The following MEF2A variants were observed in gnomAD, a reference collection of about 807,000 sequenced individuals.
The protein encoded by MEF2A is myocyte enhancer factor 2A.
Under a neutral mutation model 55.8 loss-of-function variants are expected in MEF2A, and 28 were observed. The observed-to-expected ratio is 0.50, with a 90% CI of 0.37 to 0.69. The LOEUF is 0.69. Among genes scored for constraint, MEF2A ranks in the 30% least tolerant of loss-of-function variants. The pLI is 0.00. For synonymous variants in MEF2A, 239 were observed against 227.1 expected (o/e 1.05, Z -0.47); for missense variants, 528 against 626.2 (o/e 0.84, Z 1.67).
At chr15:99,642,040 C>A (rs2153460744) in intron 3 of MEF2A, among the ~76,000 whole-genome samples, 1 of 152,176 alleles carries the variant, frequency 6.6e-6, no homozygotes, top group East Asian at 1.9e-4. Context: ...CTAACAAGGG[C>A]TTGTAGGTGT....
At chr15:99,642,725 C>CAA (rs2153463786) in intron 3 of MEF2A, among the ~76,000 whole-genome samples, 1 of 152,296 alleles carries the variant, frequency 6.6e-6, no homozygotes, top group African/African-American at 2.4e-5. Flanking sequence ...TCACTTATTT[C>CAA]ATGGGCTTCT....
chr15:99,604,587 T>C (rs1372845140), intron 2 of MEF2A, among the ~76,000 whole-genome samples: 1 of 152,182 alleles, frequency 6.6e-6, no homozygotes, highest in Non-Finnish European at 1.5e-5. Context: ...CTTTATCATT[T>C]TTGAATCTCT....
At chr15:99,618,084 A>G (rs1269935567) in intron 2 of MEF2A, among the ~76,000 whole-genome samples, 1 of 152,194 alleles carries the variant, frequency 6.6e-6, no homozygotes, top group Non-Finnish European at 1.5e-5. Context: ...ACTTACTGTG[A>G]TGTCCCTTGA....
At chr15:99,703,480 C>A in intron 9 of MEF2A, 95 bp downstream of exon 9, 2 of 1,303,194 alleles carry the variant, frequency 1.5e-6, no homozygotes, top group South Asian at 3.3e-5. Flanking sequence ...CCCTTTGTTA[C>A]ACAAATTTTT....
At chr15:99,664,172 G>A (rs1234549694) in intron 4 of MEF2A, among the ~76,000 whole-genome samples, 1 of 152,140 alleles carries the variant, frequency 6.6e-6, no homozygotes, top group East Asian at 1.9e-4. Flanking sequence ...TGTGACTTGG[G>A]TAAAGAGACT....
chr15:99,614,894 C>T (rs181762026), intron 2 of MEF2A, among the ~76,000 whole-genome samples: 9 of 152,112 alleles, frequency 5.9e-5, no homozygotes, highest in Admixed American at 5.2e-4. Context: ...GGAAGTGTGG[C>T]ATGGAATGAG....
chr15:99,617,409 G>C (rs200862514), intron 2 of MEF2A, among the ~76,000 whole-genome samples: 4 of 151,978 alleles, frequency 2.6e-5, no homozygotes, highest in Admixed American at 1.3e-4. Context: ...TTTATGGCTA[G>C]AATAGAAAAT....
At chr15:99,703,492 T>A in intron 9 of MEF2A, 107 bp downstream of exon 9, 3 of 1,108,962 alleles carry the variant, frequency 2.7e-6, no homozygotes, top group Non-Finnish European at 3.8e-6. Context: ...CAAATTTTTT[T>A]AAACACTATT....
intron 4 of MEF2A, among the ~76,000 whole-genome samples, chr15:99,663,559 G>T (rs1317557641): frequency 1.3e-5 from 2 of 151,516 alleles, no homozygotes; most frequent in Non-Finnish European, 2.9e-5. Flanking sequence ...ATGTATAAAA[G>T]TTTTATATTT....
intron 7 of MEF2A, among the ~76,000 whole-genome samples, chr15:99,680,315 T>G (rs554525565): frequency 6.6e-5 from 10 of 152,282 alleles, no homozygotes; most frequent in African/African-American, 2.4e-4. Context: ...TGTTCATCAT[T>G]GGTAGTATTC....
At chr15:99,697,220 G>C (rs1346014957) in intron 8 of MEF2A, among the ~76,000 whole-genome samples, 1 of 151,906 alleles carries the variant, frequency 6.6e-6, no homozygotes, top group East Asian at 1.9e-4. Context: ...TACCATGGTA[G>C]TAAAAGTCCT....
intron 8 of MEF2A, among the ~76,000 whole-genome samples, chr15:99,701,329 A>T (rs1034702212): frequency 6.6e-6 from 1 of 152,244 alleles, no homozygotes; most frequent in Non-Finnish European, 1.5e-5. Context: ...AATGAAAATC[A>T]GACCCAAATT....
chr15:99,611,704 A>T (rs914857602), intron 2 of MEF2A, among the ~76,000 whole-genome samples: 2 of 152,236 alleles, frequency 1.3e-5, no homozygotes, highest in African/African-American at 4.8e-5. Flanking sequence ...ATATGTCTGC[A>T]CAAAAACTTG....
chr15:99,691,197 CAGAG>C (rs947285527), intron 8 of MEF2A, among the ~76,000 whole-genome samples: 9 of 144,930 alleles, frequency 6.2e-5, no homozygotes, highest in Admixed American at 2.8e-4. Context: ...CCAACAGAGA[CAGAG>C]GGAGGGGGGA....
chr15:99,639,062 T>C (rs868853639), intron 3 of MEF2A, among the ~76,000 whole-genome samples: 2 of 152,198 alleles, frequency 1.3e-5, no homozygotes, highest in Non-Finnish European at 2.9e-5. Context: ...GAAAGCAGTT[T>C]AAAAATAAAA....
At position 99,712,967 on chromosome 15, in the gene MEF2A, C is replaced by A. The variant is rs2058830442; in HGVS notation, c.*196C>A. 7.7e-6 allele frequency: 5 copies of A among 650,936 alleles called. No homozygotes were observed. The highest frequency in any genetic ancestry group is 3.0e-5 in the Admixed American group (1 of 33,476). The allele number at this position is 650,936 out of a possible 1,614,324, so 40.3% of individuals were successfully genotyped here. On this transcript the variant is annotated 3_prime_UTR_variant, in exon 12 of 12. Transcript: ENST00000557942. This position sits in a 1 kb window ranked among gnomAD's most constrained non-coding sequence, Gnocchi z 4.1. ...ATACACAGAATCAGGCACTTACCTGCAAACTCCTTGTAGGTCTGCAGATGT... is the reference window on the plus strand; with the variant it reads ...ATACACAGAATCAGGCACTTACCTGAAAACTCCTTGTAGGTCTGCAGATGT...
At chr15:99,597,933 G>C (rs1044626715) in intron 1 of MEF2A, among the ~76,000 whole-genome samples, 18 of 152,102 alleles carry the variant, frequency 1.2e-4, no homozygotes, top group Non-Finnish European at 2.9e-5. Context: ...TAGCTAGCTA[G>C]TGAAAATTAC....
chr15:99,676,735 A>C (rs2052166843), intron 7 of MEF2A, among the ~76,000 whole-genome samples: 1 of 151,974 alleles, frequency 6.6e-6, no homozygotes, highest in South Asian at 2.1e-4. Context: ...ACGCCGGGCT[A>C]ATTTTTTTGT....
intron 3 of MEF2A, among the ~76,000 whole-genome samples, chr15:99,642,968 G>A (rs1206489363): frequency 1.3e-5 from 2 of 152,176 alleles, no homozygotes; most frequent in Non-Finnish European, 1.5e-5. Context: ...TTTTAGAGGA[G>A]TAGAGAGGAG....
Sources: allele counts gnomAD v4.1 joint callset (sites outside exome capture counted in the v4.1 genomes callset), GRCh38; gene constraint gnomAD v4.1.1; non-coding constraint Gnocchi (gnomAD v3.1); transcripts MANE v1.5; gene names NCBI Gene and HGNC (gene_info 2026-07-23, HGNC 2026-07-21).